Variants in GAL observed in about 807,000 individuals in gnomAD.
GAL encodes galanin peptides.
A neutral mutation model predicts 15.8 loss-of-function variants in GAL; 14 were observed. The ratio of observed to expected loss-of-function variants is 0.89; its 90% CI spans 0.59 to 1.39. The LOEUF is 1.39. Ranked by LOEUF, GAL falls within the 40% of genes most tolerant of loss-of-function variation. The pLI is 0.00. For missense variants in GAL, 176 were observed against 170.4 expected, an observed-to-expected ratio of 1.03 and a Z score of -0.18; for synonymous variants, 79 against 73.8, an observed-to-expected ratio of 1.07 and a Z score of -0.36.
intron 3 of GAL, among the ~76,000 whole-genome samples, chr11:68,686,638 C>A (rs889346280): frequency 1.6e-4 from 24 of 152,226 alleles, no homozygotes; most frequent in African/African-American, 5.8e-4. Context: ...GATGACAGAG[C>A]CGCCTGAGGC....
Position 68,684,746 on chromosome 11 carries a change from C to T in GAL, c.-1+14C>T. On this transcript the variant is annotated intron_variant, in intron 1 of 5. Transcript: ENST00000265643. ...CCGCAGCTCAAGGTACTACTGGCGC[C>T]GGGCCGACCCTGCGCCCCCGGGAGG... 2 of 512,084 alleles carry T rather than the reference C, an allele frequency of 3.9e-6. No homozygotes were observed. Among genetic ancestry groups the T allele is most frequent in the Non-Finnish European group, 6.9e-6 (2 of 288,374 alleles). 31.7% of individuals were successfully genotyped at this position (512,084 alleles called of 1,614,324 possible). A position where few individuals can be genotyped will look rare whatever the true frequency, so the allele number is the denominator to read the frequency against.
At chr11:68,688,629 A>C (rs1215468777) in intron 4 of GAL, among the ~76,000 whole-genome samples, 12 of 152,052 alleles carry the variant, frequency 7.9e-5, no homozygotes. Flanking sequence ...ACTCCATCTC[A>C]ATTAAAAAGA....
chr11:68,685,734 C>T, intron 3 of GAL, 86 bp downstream of exon 3: 1 of 884,040 alleles, frequency 1.1e-6, no homozygotes, highest in Non-Finnish European at 1.9e-6. Flanking sequence ...CCGCCTGCGG[C>T]TGGGCAGACC....
chr11:68,685,635 C>T lies in GAL; in HGVS notation c.123C>T (p.Tyr41=). Residue 41 remains tyrosine, a synonymous_variant, in exon 3 of 6, where the codon TAC becomes TAT. Transcript: ENST00000265643. ...GCTGGACCCTGAACAGCGCGGGCTA[C>T]CTGCTGGGCCCACGTAAGTGACTGA... ...KRGWTLNSAG[Y]LLGPHAVGNH... The T allele has an allele frequency of 6.2e-7, 1 of 1,613,060 alleles. No homozygotes were observed. The highest frequency in any genetic ancestry group is 8.5e-7 in the Non-Finnish European group (1 of 1,179,064).
At chr11:68,685,779 C>T (rs567271827) in intron 3 of GAL, 131 bp downstream of exon 3, 1 of 705,642 alleles carries the variant, frequency 1.4e-6, no homozygotes, top group South Asian at 1.5e-5. Flanking sequence ...TGCCCGTCTC[C>T]ATTGCTCTGC....
chr11:68,690,963 C>G lies in GAL; in HGVS notation c.348C>G (p.Ser116=), dbSNP rs199623973. 2.5e-6 allele frequency: 4 copies of G among 1,613,106 alleles called. No individual in the cohort carries two copies. The highest frequency in any genetic ancestry group is 3.4e-6 in the Non-Finnish European group (4 of 1,179,358). The change falls in exon 6 of 6, where the codon TCC becomes TCG. Residue 116 remains serine (S), a synonymous_variant. Coordinates refer to ENST00000265643, the MANE Select transcript of GAL (RefSeq NM_015973.5). The part of the protein sequence containing the change: ...DRLLDLPAAA[S]SEDIERS Reference sequence around the variant, plus strand: ...TCCTGGATCTCCCCGCCGCAGCCTCCTCAGAAGACATCGAGCGGTCCTGAG... The same window carrying G: ...TCCTGGATCTCCCCGCCGCAGCCTCGTCAGAAGACATCGAGCGGTCCTGAG...
At chr11:68,685,721 C>T (rs1945846329) in intron 3 of GAL, 73 bp downstream of exon 3, 1 of 1,064,604 alleles carries the variant, frequency 9.4e-7, no homozygotes. Flanking sequence ...GGCTCCTGCC[C>T]CTCCGCCTGC....
intron 5 of GAL, 111 bp downstream of exon 5, chr11:68,689,037 T>A: frequency 1.5e-6 from 1 of 664,240 alleles, no homozygotes; most frequent in Non-Finnish European, 2.7e-6. Context: ...CGATTACTTA[T>A]CTACGTACAA....
chr11:68,690,683 C>T (rs1945896601), intron 5 of GAL, among the ~76,000 whole-genome samples: 1 of 152,152 alleles, frequency 6.6e-6, no homozygotes, highest in Admixed American at 6.5e-5. Context: ...AGGAATTATA[C>T]CTCTTTAAAG....
chr11:68,687,311 C>T (rs1231578515), intron 3 of GAL, among the ~76,000 whole-genome samples: 1 of 152,144 alleles, frequency 6.6e-6, no homozygotes, highest in Non-Finnish European at 1.5e-5. Flanking sequence ...CAGCCCTCCT[C>T]TTCACCCCAC....
chr11:68,688,791 C>G, intron 4 of GAL, 58 bp from the exon 5 acceptor site: 2 of 836,914 alleles, frequency 2.4e-6, no homozygotes, highest in Admixed American at 3.5e-5. Flanking sequence ...AGGGGGATGA[C>G]CTGAGACACT....
At chr11:68,687,970 A>T in intron 3 of GAL, 44 bp from the exon 4 acceptor site, 1 of 1,232,916 alleles carries the variant, frequency 8.1e-7, no homozygotes, top group Non-Finnish European at 1.2e-6. Context: ...GAGGGCGTGC[A>T]TGACAGTCAC....
At chr11:68,687,132 T>C (rs1945861150) in intron 3 of GAL, among the ~76,000 whole-genome samples, 2 of 152,148 alleles carry the variant, frequency 1.3e-5, no homozygotes, top group Non-Finnish European at 2.9e-5. Flanking sequence ...ATGATTCCTC[T>C]ATAAATTTAG....
At chr11:68,684,775 C>T in intron 1 of GAL, 43 bp downstream of exon 1, 11 of 529,594 alleles carry the variant, frequency 2.1e-5, no homozygotes, top group Non-Finnish European at 3.4e-5. Flanking sequence ...CGGGAGGCCT[C>T]CCCTTCGGCT....
chr11:68,685,058 C>A (rs1945838403), intron 2 of GAL, 54 bp downstream of exon 2: 3 of 1,206,912 alleles, frequency 2.5e-6, no homozygotes, highest in South Asian at 1.3e-5. Context: ...GCCGGCCGGG[C>A]GTGGAGGGCT....
chr11:68,687,288 A>G (rs1168818031), intron 3 of GAL, among the ~76,000 whole-genome samples: 2 of 152,024 alleles, frequency 1.3e-5, no homozygotes, highest in Non-Finnish European at 2.9e-5. Context: ...CCTTTCCTGC[A>G]CAGCCCCAAA....
At chr11:68,688,819 A>C (rs977947797) in intron 4 of GAL, 30 bp from the exon 5 acceptor site, 7 of 1,115,272 alleles carry the variant, frequency 6.3e-6, no homozygotes, top group Non-Finnish European at 8.3e-6. Flanking sequence ...CCTCTGCACA[A>C]GTCGTGAATG....
At chr11:68,690,856 TG>T in intron 5 of GAL, 60 bp from the exon 6 acceptor site, 1 of 1,056,492 alleles carries the variant, frequency 9.5e-7, no homozygotes, top group African/African-American at 1.5e-5. Context: ...GTGTCGTGGT[TG>T]TAATTCTCTC....
intron 3 of GAL, among the ~76,000 whole-genome samples, chr11:68,686,783 A>C (rs532070051): frequency 1.2e-4 from 19 of 152,248 alleles, no homozygotes; most frequent in African/African-American, 4.3e-4. Flanking sequence ...TGCAACCCTG[A>C]GCTCTGCCAC....
Sources: gnomAD v4.1 joint callset for allele counts (sites outside exome capture counted in the v4.1 genomes callset) on GRCh38, gnomAD v4.1.1 for gene constraint, MANE v1.5 for transcripts, NCBI Gene and HGNC (gene_info 2026-07-23, HGNC 2026-07-21) for gene names.